MYOM1: variants seen among roughly 807,000 people sequenced by gnomAD.
MYOM1 encodes the protein myomesin-1.
A neutral mutation model predicts 205.3 loss-of-function variants in MYOM1; 164 were observed. That is an observed-to-expected ratio of 0.80 (90% CI 0.70 to 0.91). The LOEUF (loss-of-function observed/expected upper bound fraction) is 0.91. Among genes scored for constraint, MYOM1 ranks in the 40% least tolerant of loss-of-function variants. The pLI is 0.00. For missense variants in MYOM1, 2,011 were observed against 2,127.3 expected (o/e 0.95, Z 1.08); for synonymous variants, 772 against 789.4 (o/e 0.98, Z 0.37).
At chr18:3,193,759 C>A in intron 3 of MYOM1, 59 bp downstream of exon 3, 2 of 1,523,296 alleles carry the variant, frequency 1.3e-6, no homozygotes, top group South Asian at 2.5e-5. Flanking sequence ...TCTGCCATTC[C>A]TATAGCACTT....
intron 36 of MYOM1, among the ~76,000 whole-genome samples, chr18:3,073,625 G>A (rs1209037360): frequency 3.3e-5 from 5 of 152,200 alleles, no homozygotes; most frequent in Admixed American, 3.3e-4. Context: ...TGGGGGACAA[G>A]GGTTGCATTA....
chr18:3,088,335 C>A (rs138363578), intron 29 of MYOM1, among the ~76,000 whole-genome samples: 3 of 152,312 alleles, frequency 2.0e-5, no homozygotes, highest in Non-Finnish European at 4.4e-5. Flanking sequence ...AGGGCTTCAG[C>A]TGCTGCCAGA....
chr18:3,174,084 C>A (rs2080599329), intron 7 of MYOM1, 36 bp downstream of exon 7: 1 of 1,608,778 alleles, frequency 6.2e-7, no homozygotes, highest in East Asian at 2.2e-5. Context: ...TAAAAACACA[C>A]ACACACTTTG....
chr18:3,162,022 G>A (rs2080398204), intron 10 of MYOM1, among the ~76,000 whole-genome samples: 1 of 152,174 alleles, frequency 6.6e-6, no homozygotes, highest in Non-Finnish European at 1.5e-5. Context: ...CCTTTTGGAA[G>A]TCTGTGGATC....
At chr18:3,113,653 C>CTTTCTTTGGGT (rs140614421) in intron 21 of MYOM1, among the ~76,000 whole-genome samples, 6,792 of 151,974 alleles carry the variant, frequency 0.045, 248 homozygotes, top group East Asian at 0.15. Flanking sequence ...TTTTTTGTAA[C>CTTTCTTTGGGT]TTTCTTTGGG....
rs377379657 is a variant in MYOM1, at chr18:3,079,325, T to C, written c.4502A>G (p.Tyr1501Cys). 4 of 1,612,434 alleles carry C rather than the reference T, an allele frequency of 2.5e-6. No individual in the cohort carries two copies. In the African/African-American group the frequency reaches 5.3e-5, roughly 22 times the overall value. Residue 1501 changes from tyrosine to cysteine, a missense_variant, in exon 34 of 38, where the codon TAC becomes TGC. Physicochemically the swap from Tyr to Cys is radical, Grantham distance 194 (BLOSUM62 -2). Coordinates refer to ENST00000356443, the MANE Select transcript of MYOM1 (RefSeq NM_003803.4). ...NWSHNGSAIR[Y>C]SDRVKTGVTG... ...GACCCCGGTCTTAACTCTGTCTGAG[T>C]ACCTAATGGCGGACCCACTGTGAAA...
chr18:3,143,396 A>C (rs770914170), intron 13 of MYOM1, among the ~76,000 whole-genome samples: 34 of 152,234 alleles, frequency 2.2e-4, no homozygotes, highest in Non-Finnish European at 8.8e-5. Context: ...AGAAAATCAT[A>C]TCAGATGGAA....
In MYOM1 at chr18:3,075,308, T is replaced by C. The variant is rs751959420; in HGVS notation, c.4708+146A>G. 3.9e-5 allele frequency: 28 copies of C among 724,568 alleles called. 1 individual carries two copies. In the Admixed American group the frequency reaches 4.2e-4, roughly 11 times the overall value. The allele number at this position is 724,568 out of a possible 1,614,324, so 44.9% of individuals were successfully genotyped here. A position where few individuals can be genotyped will look rare whatever the true frequency, so the allele number is the denominator to read the frequency against. On this transcript the variant is annotated intron_variant, in intron 36 of 37. Coordinates refer to ENST00000356443, the MANE Select transcript of MYOM1 (RefSeq NM_003803.4). Reference sequence around the variant, plus strand: ...GATATTCTTACTCAAAAGACTAAAATGAAAACATATGTAGAACACCTAAGA... The same window carrying C: ...GATATTCTTACTCAAAAGACTAAAACGAAAACATATGTAGAACACCTAAGA...
intron 22 of MYOM1, among the ~76,000 whole-genome samples, chr18:3,107,497 TA>T (rs1228975899): frequency 6.6e-6 from 1 of 152,208 alleles, no homozygotes; most frequent in African/African-American, 2.4e-5. Context: ...TTGTTTAGTT[TA>T]TTGAGAATAG....
At chr18:3,121,901 T>C (rs1286013796) in intron 19 of MYOM1, among the ~76,000 whole-genome samples, 2 of 152,086 alleles carry the variant, frequency 1.3e-5, no homozygotes, top group African/African-American at 4.8e-5. Context: ...GGCGGATCAC[T>C]TGAGGTCAGG....
chr18:3,118,060 G>A (rs1477015309), intron 20 of MYOM1, among the ~76,000 whole-genome samples: 1 of 152,096 alleles, frequency 6.6e-6, no homozygotes, highest in East Asian at 1.9e-4. Flanking sequence ...CTCTAGTCTA[G>A]GGAAAAGCAG....
chr18:3,191,673 G>A (rs1459716260), intron 3 of MYOM1, among the ~76,000 whole-genome samples: 2 of 151,788 alleles, frequency 1.3e-5, no homozygotes, highest in Admixed American at 6.6e-5. Context: ...ATAAAGCCTA[G>A]AAGATCAATT....
At chr18:3,162,085 G>C (rs1387369638) in intron 10 of MYOM1, among the ~76,000 whole-genome samples, 2 of 152,196 alleles carry the variant, frequency 1.3e-5, no homozygotes, top group Non-Finnish European at 2.9e-5. Flanking sequence ...TAGTGTAAGA[G>C]AGATAAAAAT....
intron 8 of MYOM1, among the ~76,000 whole-genome samples, chr18:3,170,015 G>A (rs748729559): frequency 3.9e-5 from 6 of 152,154 alleles, no homozygotes; most frequent in Non-Finnish European, 8.8e-5. Context: ...GGAACTAGAG[G>A]ACATTATGTT....
chr18:3,102,741 G>T, intron 22 of MYOM1, 111 bp from the exon 23 acceptor site: 1 of 1,145,014 alleles, frequency 8.7e-7, no homozygotes, highest in Non-Finnish European at 1.2e-6. Flanking sequence ...CTGATCCTAG[G>T]TCAGGGAAAA....
At position 3,165,010 on chromosome 18, in the gene MYOM1, C is replaced by T. The variant is rs868524385; in HGVS notation, c.1340-571G>A. On this transcript the variant is annotated intron_variant, in intron 9 of 37. Coordinates refer to ENST00000356443, the MANE Select transcript of MYOM1 (RefSeq NM_003803.4). ...TAAATGCAAGCTCATGAATTAATTC[C>T]CATAATTTTTTTAGAAGGACCTTTC... Among the ~76,000 whole-genome samples the T allele has an allele frequency of 3.3e-5, 5 of 152,020 alleles. No homozygotes were observed. The South Asian group carries it at 8.3e-4, about 25-fold the overall frequency.
chr18:3,126,742 T>C lies in MYOM1; in HGVS notation c.2950A>G (p.Arg984Gly). 2 of 1,613,806 alleles carry C rather than the reference T, an allele frequency of 1.2e-6. No homozygotes were observed. The highest frequency in any genetic ancestry group is 1.7e-6 in the Non-Finnish European group (2 of 1,179,812). The change falls in exon 19 of 38, where the codon AGA becomes GGA. Residue 984 changes from arginine to glycine, a missense_variant. By Grantham distance (125) the Arg-to-Gly change is moderately radical. Transcript: ENST00000356443. The stretch of plus-strand genomic sequence containing the variant: ...CTGACAGCCTTGACATTGGCTTCTC[T>C]CCATTTTCCTGGTACCCCATCAATG... ...EVIDGVPGKW[R>G]EANVKAVSEE...
At chr18:3,246,175 G>A in the MYOM1 span, 2 of 152,266 alleles carry the variant, frequency 1.3e-5, no homozygotes, top group Non-Finnish European at 2.9e-5. Context: ...GAGGACGCTG[G>A]CGGAGCTGGT....
At chr18:3,079,420 C>T in intron 33 of MYOM1, 78 bp from the exon 34 acceptor site, 1 of 1,452,750 alleles carries the variant, frequency 6.9e-7, no homozygotes, top group Non-Finnish European at 9.2e-7. Context: ...CATTGAAGCT[C>T]TTGCCATAAA....
Sources: gnomAD v4.1 joint callset for allele counts (sites outside exome capture counted in the v4.1 genomes callset) on GRCh38, gnomAD v4.1.1 for gene constraint, MANE v1.5 for transcripts, NCBI Gene and HGNC (gene_info 2026-07-23, HGNC 2026-07-21) for gene names.